Variants in ZNF83 observed in about 807,000 individuals in gnomAD.
ZNF83 encodes the protein zinc finger protein 83, also known as zinc finger protein 816B.
For missense variants in ZNF83, 552 were observed against 629.9 expected, an observed-to-expected ratio of 0.88 and a Z score of 1.32; for synonymous variants, 209 against 213.0, an observed-to-expected ratio of 0.98 and a Z score of 0.17.
chr19:52,657,416 C>G (rs1218428421), intron 2 of ZNF83, among the ~76,000 whole-genome samples: 3 of 151,888 alleles, frequency 2.0e-5, no homozygotes, highest in Non-Finnish European at 4.4e-5. Context: ...CGGAGACCAG[C>G]CTCATCAATA....
chr19:52,679,116 A>G (rs923284009), intron 1 of ZNF83, among the ~76,000 whole-genome samples: 1 of 152,254 alleles, frequency 6.6e-6, no homozygotes, highest in African/African-American at 2.4e-5. Flanking sequence ...GTTAAAAATG[A>G]ACAGTGACAC....
rs112226771 is a variant in ZNF83, at chr19:52,618,554, G to A, written c.-233-3757C>T. The A allele has an allele frequency of 0.38, 81,089 of 213,230 alleles. 15,746 individuals are homozygous for A. Among genetic ancestry groups the A allele is most frequent in the Middle Eastern group, 0.46 (234 of 508 alleles). 13.2% of individuals were successfully genotyped at this position (213,230 alleles called of 1,614,324 possible). On this transcript the variant is annotated intron_variant, in intron 2 of 2. Transcript: ENST00000301096. The stretch of plus-strand genomic sequence containing the variant: ...TGGGATTACAGGCGTGAGCCACCGC[G>A]CCTGGCCAATTTTTGTATTTTTAGT...
chr19:52,652,081 C>A, intron 3 of ZNF83: 1 of 239,634 alleles, frequency 4.2e-6, no homozygotes, highest in South Asian at 6.2e-5. Flanking sequence ...CACACCTATT[C>A]CATTTGTAAG....
chr19:52,683,226 C>CTGTG (rs1491245050), intron 1 of ZNF83, among the ~76,000 whole-genome samples: 3 of 135,652 alleles, frequency 2.2e-5, no homozygotes, highest in African/African-American at 8.2e-5. Flanking sequence ...TGCCCTGTGA[C>CTGTG]TCTGTGTGTG....
At chr19:52,674,410 T>C (rs1466602348) in intron 1 of ZNF83, among the ~76,000 whole-genome samples, 1 of 152,198 alleles carries the variant, frequency 6.6e-6, no homozygotes, top group African/African-American at 2.4e-5. Context: ...CAATCAATAC[T>C]GACTGTCCTA....
intron 3 of ZNF83, chr19:52,655,557 T>A: frequency 6.7e-7 from 1 of 1,493,548 alleles, no homozygotes. Context: ...GACATTTTCC[T>A]CACCCACAGA....
At chr19:52,623,146 T>C (rs1324209386) in intron 2 of ZNF83, among the ~76,000 whole-genome samples, 1 of 152,166 alleles carries the variant, frequency 6.6e-6, no homozygotes, top group Non-Finnish European at 1.5e-5. Flanking sequence ...CAGAAGCCAC[T>C]CCTAGAGCCC....
chr19:52,619,501 C>T (rs2060453596), intron 2 of ZNF83, among the ~76,000 whole-genome samples: 3 of 152,174 alleles, frequency 2.0e-5, no homozygotes, highest in African/African-American at 7.2e-5. Context: ...TGGTAGATGC[C>T]TGTAGTCTCA....
Position 52,659,654 on chromosome 19 carries a change from GAGA to G in ZNF83, c.-201+1105_-201+1107del, listed in dbSNP as rs377173302. 2.6e-3 allele frequency among the ~76,000 whole-genome samples: 385 copies of G among 149,278 alleles called. 3 individuals carry two copies. The highest frequency in any genetic ancestry group is 4.0e-3 in the Non-Finnish European group (270 of 67,542). ...AGTACCAGAAGTCACAGAAGTGAGTGAGAAGAAGAAAGGAACAGAAAAGCTTGT... is the reference window on the plus strand; with the variant it reads ...AGTACCAGAAGTCACAGAAGTGAGTGAGAAGAAAGGAACAGAAAAGCTTGT... On this transcript the variant is annotated intron_variant, in intron 2 of 5. Coordinates refer to the ZNF83 transcript ENST00000594682.
exon 3 of ZNF83, chr19:52,613,723 C>T (rs201794892): frequency 7.4e-7 from 1 of 1,354,534 alleles, no homozygotes; most frequent in African/African-American, 1.7e-5. Context: ...AGTGTGGATT[C>T]TCTGATGTTG....
intron 2 of ZNF83, chr19:52,660,733 G>A: frequency 5.0e-6 from 1 of 199,670 alleles, no homozygotes; most frequent in Non-Finnish European, 1.1e-5. Context: ...AAAAGAGAGA[G>A]AAGAATCCAC....
Position 52,657,246 on chromosome 19 carries a change from C to G in ZNF83, c.-200-1559G>C, listed in dbSNP as rs964522800. On this transcript the variant is annotated intron_variant, in intron 2 of 5. Coordinates refer to the ZNF83 transcript ENST00000594682. ...TTACGAAGAACTACACAGAAACTCTCGGGCTAAAAATACAGTAACTAAATG... is the reference window on the plus strand; with the variant it reads ...TTACGAAGAACTACACAGAAACTCTGGGGCTAAAAATACAGTAACTAAATG... Among the ~76,000 whole-genome samples the G allele has an allele frequency of 2.0e-5, 3 of 152,146 alleles. No homozygotes were observed. In the South Asian group the frequency reaches 6.2e-4, roughly 31 times the overall value.
At chr19:52,654,207 C>T (rs2061478391) in intron 3 of ZNF83, 1 of 1,591,354 alleles carries the variant, frequency 6.3e-7, no homozygotes, top group African/African-American at 1.3e-5. Flanking sequence ...TGATTTTTGT[C>T]ATGGGTGCTT....
At chr19:52,660,048 G>A (rs1321443996) in intron 2 of ZNF83, among the ~76,000 whole-genome samples, 1 of 152,016 alleles carries the variant, frequency 6.6e-6, no homozygotes, top group Admixed American at 6.6e-5. Context: ...AAAATTAGCG[G>A]GGTGTGGTGG....
At chr19:52,653,145 G>A in intron 3 of ZNF83, 1 of 1,471,956 alleles carries the variant, frequency 6.8e-7, no homozygotes. Flanking sequence ...CATGACAGTT[G>A]TAAGGTTTTT....
At chr19:52,683,228 CTGTGTGTGTGTGTGTGTGTGTG>C (rs67463602) in intron 1 of ZNF83, among the ~76,000 whole-genome samples, 2,529 of 128,034 alleles carry the variant, frequency 0.02, 52 homozygotes, top group Middle Eastern at 0.078. Flanking sequence ...CCCTGTGACT[CTGTGTGTGTGTGTGTGTGTGTG>C]TGTGTGTGTG....
Position 52,685,722 on chromosome 19 carries a change from C to T in ZNF83, c.-283+4721G>A, listed in dbSNP as rs915691911. ...GACCAGCCTGGCAAACATGGTGAAA[C>T]CTTGTCTCTACTAAAAATACAAAAA... is the stretch of plus-strand genomic sequence containing the variant. On this transcript the variant is annotated intron_variant, in intron 1 of 5. Transcript: ENST00000594682. 2.0e-5 allele frequency among the ~76,000 whole-genome samples: 3 copies of T among 151,860 alleles called. No homozygotes were observed. In the East Asian group the frequency reaches 5.8e-4, roughly 29 times the overall value.
intron 3 of ZNF83, among the ~76,000 whole-genome samples, chr19:52,645,417 T>C (rs961442743): frequency 2.0e-5 from 3 of 152,092 alleles, no homozygotes; most frequent in Non-Finnish European, 4.4e-5. Context: ...CTGAAAAACA[T>C]ACATGTACAG....
At chr19:52,676,533 G>T (rs1465149993) in intron 1 of ZNF83, among the ~76,000 whole-genome samples, 1 of 151,134 alleles carries the variant, frequency 6.6e-6, no homozygotes. Flanking sequence ...CAGCCGCCCC[G>T]TCTGGGAGGG....
Sources: gnomAD v4.1 joint callset for allele counts (sites outside exome capture counted in the v4.1 genomes callset) on GRCh38, gnomAD v4.1.1 for gene constraint, MANE v1.5 for transcripts, NCBI Gene and HGNC (gene_info 2026-07-23, HGNC 2026-07-21) for gene names.